The following MID2 variants were observed in gnomAD, a reference collection of about 807,000 sequenced individuals.
The protein encoded by MID2 is midline 2.
In MID2, 13 loss-of-function variants were observed where a neutral mutation model predicts 46.1. The ratio of observed to expected loss-of-function variants is 0.28; its 90% CI spans 0.18 to 0.45. The LOEUF (loss-of-function observed/expected upper bound fraction) is 0.45. Ranked by LOEUF, MID2 falls within the 20% of genes least tolerant of loss-of-function variation. MID2 has a pLI of 1.00. For missense variants in MID2, 431 were observed against 575.4 expected (o/e 0.75, Z 2.57); for synonymous variants, 199 against 212.3 (o/e 0.94, Z 0.55).
intron 3 of MID2, among the ~76,000 whole-genome samples, chrX:107,896,619 A>ATG (rs762869676): frequency 1.9e-4 from 21 of 112,604 alleles, no homozygotes; most frequent in African/African-American, 6.8e-4. Context: ...GTGTATATAT[A>ATG]TGTGTGTGAA....
chrX:107,826,033 C>G lies in MID2; in HGVS notation c.-394C>G, dbSNP rs1030757951. Reference sequence around the variant, plus strand: ...GGTGTCAGCCCCAGCCCCGTTTGCCCCCACTCCGCCTCCCTTTTGGAAGGG... The same window carrying G: ...GGTGTCAGCCCCAGCCCCGTTTGCCGCCACTCCGCCTCCCTTTTGGAAGGG... On this transcript the variant is annotated 5_prime_UTR_variant, in exon 1 of 10. Coordinates refer to ENST00000262843, the MANE Select transcript of MID2 (RefSeq NM_012216.4). 1 of 291,369 alleles carries G rather than the reference C, an allele frequency of 3.4e-6. No individual in the cohort carries two copies. Among genetic ancestry groups the G allele is most frequent in the Non-Finnish European group, 6.0e-6 (1 of 167,151 alleles). The allele number at this position is 291,369 out of a possible 1,213,427, so 24.0% of individuals were successfully genotyped here. A position where few individuals can be genotyped will look rare whatever the true frequency, so the allele number is the denominator to read the frequency against.
At chrX:107,881,658 G>A (rs374215377) in intron 3 of MID2, among the ~76,000 whole-genome samples, 2 of 112,123 alleles carry the variant, frequency 1.8e-5, no homozygotes, top group African/African-American at 6.5e-5. Flanking sequence ...TACCAATGAG[G>A]TCTTCTATTT....
intron 1 of MID2, among the ~76,000 whole-genome samples, chrX:107,829,295 C>T (rs1274564413): frequency 2.7e-5 from 3 of 112,107 alleles, no homozygotes; most frequent in African/African-American, 9.7e-5. Flanking sequence ...AGAGCCAAAT[C>T]GTATCATTGT....
intron 1 of MID2, among the ~76,000 whole-genome samples, chrX:107,836,185 T>G (rs1210561743): frequency 1.8e-5 from 2 of 112,306 alleles, no homozygotes; most frequent in Non-Finnish European, 3.8e-5. Context: ...ATATATAGGT[T>G]TATTTCTAAA....
intron 3 of MID2, among the ~76,000 whole-genome samples, chrX:107,876,495 A>G (rs1256953157): frequency 9.0e-6 from 1 of 111,146 alleles, no homozygotes; most frequent in Non-Finnish European, 1.9e-5. Flanking sequence ...TATAACTGAG[A>G]GGCTTAGTTC....
At chrX:107,866,712 A>G (rs1343426756) in intron 3 of MID2, among the ~76,000 whole-genome samples, 1 of 112,471 alleles carries the variant, frequency 8.9e-6, no homozygotes, top group Non-Finnish European at 1.9e-5. Context: ...AGCTAACAGT[A>G]TGAAGCATTG....
At chrX:107,834,191 A>G (rs925342285) in intron 1 of MID2, among the ~76,000 whole-genome samples, 2 of 111,528 alleles carry the variant, frequency 1.8e-5, no homozygotes, top group Non-Finnish European at 3.8e-5. Context: ...ATGCTCATCG[A>G]CTTCTTTTTT....
intron 5 of MID2, among the ~76,000 whole-genome samples, chrX:107,912,964 C>A (rs1932913032): frequency 9.1e-6 from 1 of 110,368 alleles, no homozygotes; most frequent in South Asian, 3.9e-4. Context: ...ACAAATGACA[C>A]CTTATATTAT....
chrX:107,881,380 A>T (rs1186146470), intron 3 of MID2, among the ~76,000 whole-genome samples: 2 of 112,469 alleles, frequency 1.8e-5, no homozygotes, highest in Non-Finnish European at 3.8e-5. Flanking sequence ...AGCAGTTTTG[A>T]TTAAGCAGTT....
At chrX:107,903,338 T>C (rs779670931) in intron 3 of MID2, among the ~76,000 whole-genome samples, 1 of 109,071 alleles carries the variant, frequency 9.2e-6, no homozygotes, top group Non-Finnish European at 1.9e-5. Flanking sequence ...TTTTTTTTTT[T>C]CCAACCCTGA....
At chrX:107,862,497 G>C in intron 3 of MID2, among the ~76,000 whole-genome samples, 1 of 112,248 alleles carries the variant, frequency 8.9e-6, no homozygotes, top group Middle Eastern at 4.2e-3. Flanking sequence ...AGATGTGATA[G>C]ACTAAAAAGG....
chrX:107,826,580 G>A (rs772604782), intron 1 of MID2, 150 bp downstream of exon 1: 3 of 718,170 alleles, frequency 4.2e-6, no homozygotes, highest in Non-Finnish European at 3.8e-6. Flanking sequence ...GATGGGGCCC[G>A]CGAGGCTCGA....
At chrX:107,878,918 C>T (rs1046474795) in intron 3 of MID2, among the ~76,000 whole-genome samples, 1 of 112,093 alleles carries the variant, frequency 8.9e-6, no homozygotes, top group African/African-American at 3.2e-5. Context: ...GGCAGGAACT[C>T]GAGTGCAGGG....
At chrX:107,909,799 C>T (rs771429142) in intron 5 of MID2, among the ~76,000 whole-genome samples, 4 of 112,416 alleles carry the variant, frequency 3.6e-5, no homozygotes, top group Non-Finnish European at 5.6e-5. Flanking sequence ...TGTGTTGAGA[C>T]GTTCACTGCC....
chrX:107,924,043 C>T (rs1343928633), intron 7 of MID2, among the ~76,000 whole-genome samples: 1 of 111,772 alleles, frequency 8.9e-6, no homozygotes, highest in African/African-American at 3.3e-5. Flanking sequence ...GTGATGATTC[C>T]GTGACTCTGT....
intron 5 of MID2, among the ~76,000 whole-genome samples, chrX:107,909,466 G>A (rs980088413): frequency 3.6e-5 from 4 of 111,631 alleles, no homozygotes; most frequent in Non-Finnish European, 5.6e-5. Flanking sequence ...AAACTCTGAA[G>A]GTCTCTAGAA....
chrX:107,906,538 A>T (rs1812055050), intron 5 of MID2, among the ~76,000 whole-genome samples: 1 of 111,874 alleles, frequency 8.9e-6, no homozygotes, highest in Non-Finnish European at 1.9e-5. Context: ...AACTTAAAAC[A>T]TGCCAGTTTT....
intron 3 of MID2, among the ~76,000 whole-genome samples, chrX:107,884,982 A>G (rs1932417142): frequency 8.9e-6 from 1 of 111,964 alleles, no homozygotes; most frequent in Non-Finnish European, 1.9e-5. Flanking sequence ...CTATACAACC[A>G]TAACTAATTA....
chrX:107,898,920 A>G, intron 3 of MID2, among the ~76,000 whole-genome samples: 1 of 111,121 alleles, frequency 9.0e-6, no homozygotes, highest in Middle Eastern at 4.6e-3. Flanking sequence ...TATTATTATT[A>G]TTGCATTTCA....
Sources: allele counts gnomAD v4.1 joint callset (sites outside exome capture counted in the v4.1 genomes callset), GRCh38; gene constraint gnomAD v4.1.1; transcripts MANE v1.5; gene names NCBI Gene and HGNC (gene_info 2026-07-23, HGNC 2026-07-21).